HMBOX1: variants seen among roughly 807,000 people sequenced by gnomAD.
HMBOX1 encodes the protein homeobox-containing protein 1.
In HMBOX1, 14 loss-of-function variants were observed where a neutral mutation model predicts 54.5. The observed-to-expected ratio is 0.26, with a 90% CI of 0.17 to 0.40. The LOEUF is 0.40. Ranked by LOEUF, HMBOX1 falls within the 10% of genes least tolerant of loss-of-function variation. The pLI is 1.00. For missense variants in HMBOX1, 332 were observed against 514.4 expected, an observed-to-expected ratio of 0.65 and a Z score of 3.43; for synonymous variants, 160 against 181.0, an observed-to-expected ratio of 0.88 and a Z score of 0.93.
At chr8:28,950,146 TTACCCAGGAGA>T (rs1455392071) in intron 1 of HMBOX1, among the ~76,000 whole-genome samples, 2 of 152,204 alleles carry the variant, frequency 1.3e-5, no homozygotes, top group Non-Finnish European at 2.9e-5. Flanking sequence ...ACATTCTATT[TTACCCAGGAGA>T]TATGGCATTG....
intron 4 of HMBOX1, among the ~76,000 whole-genome samples, chr8:28,997,195 A>G (rs1315853658): frequency 6.6e-6 from 1 of 152,208 alleles, no homozygotes; most frequent in East Asian, 1.9e-4. Flanking sequence ...ATCTTAGGGA[A>G]AGTGTTCAGT....
intron 1 of HMBOX1, among the ~76,000 whole-genome samples, chr8:28,941,686 T>C (rs1821439971): frequency 6.6e-6 from 1 of 152,222 alleles, no homozygotes; most frequent in Non-Finnish European, 1.5e-5. Context: ...TTTTCTGTTC[T>C]ACTTCCTGTT....
chr8:28,965,602 G>A (rs1354687654), intron 2 of HMBOX1, among the ~76,000 whole-genome samples: 3 of 152,152 alleles, frequency 2.0e-5, no homozygotes, highest in Non-Finnish European at 4.4e-5. Context: ...GGAGAGGCTG[G>A]CTTGACCACC....
Position 29,052,738 on chromosome 8 carries a change from T to C in HMBOX1, c.*1583T>C, listed in dbSNP as rs1264855314. ...TCACTGTGGGTAAGAGGAAAGAGCCTTCAATGTAGCAGCACAGGGTGCGCC... is the reference window on the plus strand; with the variant it reads ...TCACTGTGGGTAAGAGGAAAGAGCCCTCAATGTAGCAGCACAGGGTGCGCC... On this transcript the variant is annotated 3_prime_UTR_variant, in exon 10 of 10. Transcript: ENST00000287701. 3 of 152,168 alleles carry C rather than the reference T, an allele frequency of 2.0e-5. No homozygotes were observed. Among genetic ancestry groups the C allele is most frequent in the Non-Finnish European group, 4.4e-5 (3 of 68,040 alleles). 9.4% of individuals were successfully genotyped at this position (152,168 alleles called of 1,614,324 possible). A position where few individuals can be genotyped will look rare whatever the true frequency, so the allele number is the denominator to read the frequency against.
intron 4 of HMBOX1, among the ~76,000 whole-genome samples, chr8:28,986,798 A>G (rs375012535): frequency 1.3e-5 from 2 of 152,026 alleles, no homozygotes; most frequent in African/African-American, 2.4e-5. Flanking sequence ...ATTTCCTTCT[A>G]TCTTATTCTT....
chr8:28,926,067 G>A (rs1026532472), intron 1 of HMBOX1, among the ~76,000 whole-genome samples: 3 of 152,106 alleles, frequency 2.0e-5, no homozygotes, highest in South Asian at 2.1e-4. Flanking sequence ...GGGAGTGCAA[G>A]GCAGGCAGAT....
intron 1 of HMBOX1, among the ~76,000 whole-genome samples, chr8:28,920,579 C>T (rs145642004): frequency 6.6e-6 from 1 of 152,098 alleles, no homozygotes; most frequent in Non-Finnish European, 1.5e-5. Flanking sequence ...AATATTTCCT[C>T]AAAGAAATTA....
chr8:28,913,298 C>T (rs1274425056), intron 1 of HMBOX1, among the ~76,000 whole-genome samples: 1 of 152,176 alleles, frequency 6.6e-6, no homozygotes, highest in Non-Finnish European at 1.5e-5. Context: ...TCACTTATCT[C>T]TAACATTATT....
At chr8:28,961,950 A>ATGTTGCCCAAACTAGCCTTGAACG (rs1563476194) in intron 1 of HMBOX1, among the ~76,000 whole-genome samples, 1 of 119,796 alleles carries the variant, frequency 8.3e-6, no homozygotes, top group African/African-American at 3.3e-5. Flanking sequence ...GGGACTCATC[A>ATGTTGCCCAAACTAGCCTTGAACG]TGTTGCCCAA....
At chr8:28,990,352 GA>G (rs1830802463) in intron 4 of HMBOX1, among the ~76,000 whole-genome samples, 1 of 152,064 alleles carries the variant, frequency 6.6e-6, no homozygotes, top group Non-Finnish European at 1.5e-5. Flanking sequence ...TCCTTTCAAG[GA>G]AAGCTTCTAT....
At chr8:29,018,632 G>T in intron 5 of HMBOX1, 128 bp from the exon 6 acceptor site, 1 of 884,966 alleles carries the variant, frequency 1.1e-6, no homozygotes, top group African/African-American at 1.7e-5. Context: ...AAATTTTTCA[G>T]AGAAAGATAC....
intron 6 of HMBOX1, among the ~76,000 whole-genome samples, chr8:29,032,915 C>T (rs567515925): frequency 2.0e-5 from 3 of 150,766 alleles, no homozygotes; most frequent in East Asian, 3.9e-4. Context: ...CAAATCAATT[C>T]GATGATTGAT....
At chr8:28,956,264 A>T (rs919865527) in intron 1 of HMBOX1, among the ~76,000 whole-genome samples, 1 of 151,784 alleles carries the variant, frequency 6.6e-6, no homozygotes, top group Admixed American at 6.6e-5. Context: ...TAAACTTGAT[A>T]ACTTGGATCT....
intron 1 of HMBOX1, among the ~76,000 whole-genome samples, chr8:28,941,320 G>A (rs989591539): frequency 2.0e-5 from 3 of 152,146 alleles, no homozygotes; most frequent in East Asian, 3.9e-4. Context: ...TTTGGGAACA[G>A]GGCAAGATGT....
chr8:28,971,627 G>T (rs1279726256), intron 3 of HMBOX1, among the ~76,000 whole-genome samples: 1 of 152,188 alleles, frequency 6.6e-6, no homozygotes. Context: ...GAATAGTAAA[G>T]GGTAAGAAAG....
At chr8:28,920,182 G>A (rs1009717585) in intron 1 of HMBOX1, among the ~76,000 whole-genome samples, 1 of 152,068 alleles carries the variant, frequency 6.6e-6, no homozygotes, top group Non-Finnish European at 1.5e-5. Context: ...TATATTCGTT[G>A]TTTCTTAGCT....
At chr8:28,903,527 C>T (rs574230251) in intron 1 of HMBOX1, among the ~76,000 whole-genome samples, 17 of 151,788 alleles carry the variant, frequency 1.1e-4, no homozygotes, top group African/African-American at 4.1e-4. Flanking sequence ...TTTCTTTTTT[C>T]CTTGCTCCAA....
intron 7 of HMBOX1, among the ~76,000 whole-genome samples, 174 bp downstream of exon 7, chr8:29,045,617 T>TG (rs1392516395): frequency 6.6e-6 from 1 of 152,236 alleles, no homozygotes; most frequent in Non-Finnish European, 1.5e-5. Context: ...TTCTGAGGGA[T>TG]GTTTTTATGG....
chr8:29,033,128 C>T (rs1803275626), intron 6 of HMBOX1, among the ~76,000 whole-genome samples: 1 of 152,230 alleles, frequency 6.6e-6, no homozygotes, highest in Admixed American at 6.5e-5. Flanking sequence ...AAAACGTGCA[C>T]TCTGCCCTCC....
Sources: gnomAD v4.1 joint callset for allele counts (sites outside exome capture counted in the v4.1 genomes callset) on GRCh38, gnomAD v4.1.1 for gene constraint, MANE v1.5 for transcripts, NCBI Gene and HGNC (gene_info 2026-07-23, HGNC 2026-07-21) for gene names.